IMMT: variants seen among roughly 807,000 people sequenced by gnomAD.
The protein encoded by IMMT is inner membrane mitochondrial protein.
IMMT carries 40 observed loss-of-function variants against 92.7 expected under a neutral mutation model. The ratio of observed to expected loss-of-function variants is 0.43; its 90% CI spans 0.34 to 0.56. The LOEUF (loss-of-function observed/expected upper bound fraction) is 0.56. Among genes scored for constraint, IMMT ranks in the 20% least tolerant of loss-of-function variants. The pLI is 0.03. For missense variants in IMMT, 831 were observed against 912.1 expected, an observed-to-expected ratio of 0.91 and a Z score of 1.14; for synonymous variants, 322 against 336.1, an observed-to-expected ratio of 0.96 and a Z score of 0.46.
chr2:86,194,473 T>C (rs1673391494), intron 1 of IMMT, among the ~76,000 whole-genome samples: 1 of 152,242 alleles, frequency 6.6e-6, no homozygotes, highest in South Asian at 2.1e-4. Flanking sequence ...TTGACTTTTA[T>C]GATCTCTAAC....
At chr2:86,150,303 C>T (rs140180022) in intron 12 of IMMT, among the ~76,000 whole-genome samples, 29 of 152,188 alleles carry the variant, frequency 1.9e-4, no homozygotes, top group African/African-American at 6.3e-4. Context: ...TTCCAAGTCA[C>T]GGGACTCAAC....
At chr2:86,172,854 T>C (rs1327836352) in intron 4 of IMMT, among the ~76,000 whole-genome samples, 1 of 152,174 alleles carries the variant, frequency 6.6e-6, no homozygotes, top group Non-Finnish European at 1.5e-5. Flanking sequence ...TTTCTAATCT[T>C]TGCTCAGATA....
intron 10 of IMMT, among the ~76,000 whole-genome samples, chr2:86,153,900 T>C (rs1164638357): frequency 6.6e-6 from 1 of 152,218 alleles, no homozygotes; most frequent in Non-Finnish European, 1.5e-5. Flanking sequence ...CCTTCCTCTG[T>C]TGCCTAGCCT....
At chr2:86,147,257 C>T (rs1675090158) in intron 13 of IMMT, among the ~76,000 whole-genome samples, 1 of 152,100 alleles carries the variant, frequency 6.6e-6, no homozygotes, top group South Asian at 2.1e-4. Flanking sequence ...CTTAGAAAAC[C>T]TCAATATCTT....
At position 86,144,149 on chromosome 2, in the gene IMMT, C is replaced by T; in HGVS notation, c.*119G>A. On this transcript the variant is annotated 3_prime_UTR_variant, in exon 15 of 15. Coordinates refer to ENST00000410111, the MANE Select transcript of IMMT (RefSeq NM_006839.3). ...ATGCAACAGGTGTTAACATTTAGAA[C>T]AGTACTTGTAAACCTGCTCATTTCT... 9.4e-7 allele frequency: 1 copy of T among 1,068,362 alleles called. No homozygotes were observed. The highest frequency in any genetic ancestry group is 2.5e-5 in the East Asian group (1 of 39,760). 66.2% of individuals were successfully genotyped at this position (1,068,362 alleles called of 1,614,324 possible).
At chr2:86,192,733 A>AT (rs138377636) in intron 1 of IMMT, among the ~76,000 whole-genome samples, 1,570 of 152,260 alleles carry the variant, frequency 0.01, 15 homozygotes, top group Non-Finnish European at 0.016. Context: ...TCAGAATTCT[A>AT]TTTTGGATCA....
At chr2:86,192,300 G>C (rs919119684) in intron 1 of IMMT, among the ~76,000 whole-genome samples, 1 of 151,990 alleles carries the variant, frequency 6.6e-6, no homozygotes, top group African/African-American at 2.4e-5. Context: ...TCAGAGGTTT[G>C]AAAATCTATG....
chr2:86,165,588 T>G (rs2105065080), intron 7 of IMMT, among the ~76,000 whole-genome samples: 1 of 152,348 alleles, frequency 6.6e-6, no homozygotes, highest in Admixed American at 6.5e-5. Flanking sequence ...TCCTTAAGAT[T>G]AATAATTTAT....
chr2:86,145,716 T>G (rs1408960993), intron 14 of IMMT, among the ~76,000 whole-genome samples: 1 of 152,060 alleles, frequency 6.6e-6, no homozygotes, highest in Non-Finnish European at 1.5e-5. Context: ...ACTGTCCATT[T>G]GGTAGTTGGA....
At chr2:86,153,994 C>T (rs1374984766) in intron 10 of IMMT, among the ~76,000 whole-genome samples, 1 of 152,090 alleles carries the variant, frequency 6.6e-6, no homozygotes, top group Non-Finnish European at 1.5e-5. Flanking sequence ...TCCCAAGTAA[C>T]TTGGACTAGA....
At chr2:86,164,891 A>G (rs942076129) in intron 7 of IMMT, among the ~76,000 whole-genome samples, 2 of 152,158 alleles carry the variant, frequency 1.3e-5, no homozygotes, top group African/African-American at 4.8e-5. Flanking sequence ...AAATCCTAGT[A>G]TTACCAAATC....
At chr2:86,152,566 G>C (rs1675548930) in intron 11 of IMMT, among the ~76,000 whole-genome samples, 2 of 151,662 alleles carry the variant, frequency 1.3e-5, no homozygotes, top group Admixed American at 1.3e-4. Flanking sequence ...TTTGAGACTA[G>C]TTTGGCCATC....
chr2:86,147,434 CAT>C (rs1026404882), intron 13 of IMMT, among the ~76,000 whole-genome samples: 2 of 152,188 alleles, frequency 1.3e-5, no homozygotes, highest in Admixed American at 6.5e-5. Flanking sequence ...GGAAGATACA[CAT>C]GTCAAATATT....
At chr2:86,170,661 G>T (rs1328785840) in intron 6 of IMMT, 88 bp downstream of exon 6, 3 of 831,598 alleles carry the variant, frequency 3.6e-6, no homozygotes, top group Non-Finnish European at 5.9e-6. Flanking sequence ...ACAACTAGGT[G>T]ATAGATGACA....
rs180874217 is a variant in IMMT at position 86,181,780 on chromosome 2, C to T, written c.46-408G>A. Among the ~76,000 whole-genome samples the T allele has an allele frequency of 1.6e-3, 248 of 152,158 alleles. 2 individuals are homozygous for T. Among genetic ancestry groups the T allele is most frequent in the African/African-American group, 5.7e-3 (237 of 41,514 alleles). ...CCACAAAGTCTAGCTAAAAACATGGCGTTACAGGATACACACTCAAGGGAC... is the reference window on the plus strand; with the variant it reads ...CCACAAAGTCTAGCTAAAAACATGGTGTTACAGGATACACACTCAAGGGAC... On this transcript the variant is annotated intron_variant, in intron 1 of 14. Transcript: ENST00000410111.
intron 13 of IMMT, 65 bp from the exon 14 acceptor site, chr2:86,146,262 A>G: frequency 7.1e-7 from 1 of 1,418,352 alleles, no homozygotes; most frequent in Non-Finnish European, 9.6e-7. Context: ...TAACTGTGTA[A>G]TCTTCCAGCA....
Position 86,162,034 on chromosome 2 carries a change from C to T in IMMT, c.838G>A (p.Ala280Thr). 1 of 1,607,818 alleles carries T rather than the reference C, an allele frequency of 6.2e-7. No individual in the cohort carries two copies. The highest frequency in any genetic ancestry group is 1.1e-5 in the South Asian group (1 of 89,790). ...KSAQWRTVEG[A>T]LKERRKAVDE... ...ACTGCCTTTCTGCGTTCCTTCAATG[C>T]ACCCTCCACTGTGCGCCACTGAGCA... Residue 280 changes from alanine to threonine, a missense_variant, in exon 8 of 15, where the codon GCA becomes ACA. Physicochemically the swap from Ala to Thr is moderately conservative, Grantham distance 58. Coordinates refer to ENST00000410111, the MANE Select transcript of IMMT (RefSeq NM_006839.3).
chr2:86,178,549 C>A (rs1677606052), intron 3 of IMMT, among the ~76,000 whole-genome samples: 1 of 151,608 alleles, frequency 6.6e-6, no homozygotes, highest in Non-Finnish European at 1.5e-5. Flanking sequence ...TCGCTTGAAC[C>A]CAGGAGGCGG....
chr2:86,187,021 T>C (rs75476084), intron 1 of IMMT, among the ~76,000 whole-genome samples: 1 of 150,238 alleles, frequency 6.7e-6, no homozygotes, highest in African/African-American at 2.4e-5. Flanking sequence ...GTGGCAGGTA[T>C]TTTTTTTTTC....
Sources: allele counts gnomAD v4.1 joint callset (sites outside exome capture counted in the v4.1 genomes callset), GRCh38; gene constraint gnomAD v4.1.1; transcripts MANE v1.5; gene names NCBI Gene and HGNC (gene_info 2026-07-23, HGNC 2026-07-21).